Variants in PYROXD2 observed in about 807,000 individuals in gnomAD.
PYROXD2 encodes pyridine nucleotide-disulphide oxidoreductase domain 2.
Under a neutral mutation model 71.1 loss-of-function variants are expected in PYROXD2, and 69 were observed. The observed-to-expected ratio is 0.97, with a 90% confidence interval of 0.80 to 1.19. PYROXD2 has a LOEUF of 1.19. PYROXD2 is among the 50% of genes most tolerant of loss of function. PYROXD2 has a pLI of 0.00. For missense variants in PYROXD2, 745 were observed against 748.9 expected (o/e 0.99, Z 0.06); for synonymous variants, 287 against 302.7 (o/e 0.95, Z 0.54).
At chr10:98,394,683 C>T (rs567134637) in intron 8 of PYROXD2, among the ~76,000 whole-genome samples, 1 of 152,126 alleles carries the variant, frequency 6.6e-6, no homozygotes, top group African/African-American at 2.4e-5. Flanking sequence ...AGCACAAACC[C>T]TCACTCATAA....
chr10:98,401,115 T>C (rs1843384226), intron 4 of PYROXD2, among the ~76,000 whole-genome samples: 2 of 152,136 alleles, frequency 1.3e-5, no homozygotes, highest in Admixed American at 6.5e-5. Flanking sequence ...TAGCCGGGCA[T>C]GGTGGCACGC....
At position 98,407,737 on chromosome 10, in the gene PYROXD2, C is replaced by A; in HGVS notation, c.242-82G>T. 5 of 1,354,720 alleles carry A rather than the reference C, an allele frequency of 3.7e-6. 1 individual carries two copies. The allele number at this position is 1,354,720 out of a possible 1,614,324, so 83.9% of individuals were successfully genotyped here. A position where few individuals can be genotyped will look rare whatever the true frequency, so the allele number is the denominator to read the frequency against. ...ACCAGGGGTCAGCAGGGATGGAGAC[C>A]GTCACCAGGGGTCAGCAGGGATGGA... On this transcript the variant is annotated intron_variant, in intron 3 of 15. Transcript: ENST00000370575.
intron 4 of PYROXD2, among the ~76,000 whole-genome samples, 188 bp from the exon 5 acceptor site, chr10:98,400,445 C>G (rs146384847): frequency 9.9e-5 from 15 of 152,200 alleles, no homozygotes; most frequent in African/African-American, 3.6e-4. Context: ...CTATGGTAGA[C>G]GATACTGTAT....
chr10:98,396,053 C>T (rs7907555), intron 6 of PYROXD2, among the ~76,000 whole-genome samples: 53,939 of 152,090 alleles, frequency 0.35, 9,880 homozygotes, highest in South Asian at 0.44. Flanking sequence ...GACTGGTTAT[C>T]TGAGAGAGAG....
Position 98,396,030 on chromosome 10 carries a change from A to C in PYROXD2, c.626-578T>G, listed in dbSNP as rs182838487. Among the ~76,000 whole-genome samples the C allele has an allele frequency of 1.0e-3, 156 of 152,300 alleles. 3 individuals are homozygous for C. The highest frequency in any genetic ancestry group is 3.6e-3 in the African/African-American group (149 of 41,574). ...TAAATGTTTTTTGCCTGTTTTTCAC[A>C]CAGAGCTCCTTGGACTGGTTATCTG... On this transcript the variant is annotated intron_variant, in intron 6 of 15. Coordinates refer to ENST00000370575, the MANE Select transcript of PYROXD2 (RefSeq NM_032709.3).
intron 4 of PYROXD2, among the ~76,000 whole-genome samples, chr10:98,403,041 G>A (rs1843470683): frequency 6.6e-6 from 1 of 152,172 alleles, no homozygotes; most frequent in Non-Finnish European, 1.5e-5. Flanking sequence ...AACAATTACC[G>A]CTGGAGTTGC....
At chr10:98,413,091 A>G (rs761335701) in intron 1 of PYROXD2, among the ~76,000 whole-genome samples, 2 of 152,252 alleles carry the variant, frequency 1.3e-5, no homozygotes, top group South Asian at 4.1e-4. Flanking sequence ...CCTGGCAGTC[A>G]CTGGCCTCTA....
At chr10:98,395,991 T>C (rs1843159153) in intron 6 of PYROXD2, among the ~76,000 whole-genome samples, 1 of 152,204 alleles carries the variant, frequency 6.6e-6, no homozygotes, top group African/African-American at 2.4e-5. Context: ...GTCTGACACA[T>C]AGTAGTTGCT....
At chr10:98,396,568 A>G (rs1388062909) in intron 6 of PYROXD2, among the ~76,000 whole-genome samples, 1 of 152,190 alleles carries the variant, frequency 6.6e-6, no homozygotes, top group African/African-American at 2.4e-5. Context: ...TCGCATACTC[A>G]TGGCAGACAT....
chr10:98,390,253 G>A (rs1402042920), intron 12 of PYROXD2, among the ~76,000 whole-genome samples: 2 of 152,174 alleles, frequency 1.3e-5, no homozygotes, highest in African/African-American at 2.4e-5. Flanking sequence ...CAGGGGACTC[G>A]GTGAGTGCGT....
At chr10:98,388,217 G>A in intron 13 of PYROXD2, 137 bp downstream of exon 13, 1 of 824,590 alleles carries the variant, frequency 1.2e-6, no homozygotes, top group Non-Finnish European at 1.9e-6. Flanking sequence ...GTTGACTTGA[G>A]GTTCCCTTGA....
At position 98,410,921 on chromosome 10, in the gene PYROXD2, A is replaced by G. The variant is rs989439733; in HGVS notation, c.147+18T>C. The G allele has an allele frequency of 6.4e-7, 1 of 1,561,950 alleles. No homozygotes were observed. Among genetic ancestry groups the G allele is most frequent in the Admixed American group, 1.9e-5 (1 of 51,724 alleles). On this transcript the variant is annotated intron_variant, in intron 2 of 15. Coordinates refer to ENST00000370575, the MANE Select transcript of PYROXD2 (RefSeq NM_032709.3). Reference sequence around the variant, plus strand: ...CGCCCAGGGCCAGTGAAGTGGGATCAAGTGGGGAGGTACTCACAGCCACCA... The same window carrying G: ...CGCCCAGGGCCAGTGAAGTGGGATCGAGTGGGGAGGTACTCACAGCCACCA...
At chr10:98,384,285 G>A (rs550964406) in intron 15 of PYROXD2, among the ~76,000 whole-genome samples, 6 of 152,272 alleles carry the variant, frequency 3.9e-5, no homozygotes, top group Admixed American at 1.3e-4. Context: ...CTTGGAATGC[G>A]CACAAGAAAG....
chr10:98,390,827 C>G (rs1842923785), intron 11 of PYROXD2, 73 bp from the exon 12 acceptor site: 2 of 1,521,814 alleles, frequency 1.3e-6, no homozygotes, highest in African/African-American at 1.4e-5. Flanking sequence ...CCCTGCTACC[C>G]TCAGTGGCGG....
At chr10:98,387,868 G>C (rs560255073) in intron 13 of PYROXD2, 10 of 184,358 alleles carry the variant, frequency 5.4e-5, no homozygotes, top group Non-Finnish European at 1.1e-4. Flanking sequence ...TCCTGACCTC[G>C]GGTGATCCGC....
intron 8 of PYROXD2, among the ~76,000 whole-genome samples, chr10:98,394,192 C>A (rs181934599): frequency 6.6e-6 from 1 of 152,254 alleles, no homozygotes; most frequent in Admixed American, 6.5e-5. Context: ...AAGCGCTCAT[C>A]CATATTTGTT....
At chr10:98,411,363 T>G in intron 1 of PYROXD2, 1 of 220,204 alleles carries the variant, frequency 4.5e-6, no homozygotes. Context: ...CAACGTCCCG[T>G]CTCGCATGGC....
intron 5 of PYROXD2, among the ~76,000 whole-genome samples, chr10:98,399,797 G>GT (rs1843326111): frequency 6.6e-6 from 1 of 152,214 alleles, no homozygotes; most frequent in Admixed American, 6.5e-5. Context: ...ACACGCCAGT[G>GT]TAAGAACGTG....
intron 1 of PYROXD2, 81 bp downstream of exon 1, chr10:98,414,928 C>T (rs994692089): frequency 3.9e-6 from 6 of 1,531,520 alleles, no homozygotes; most frequent in Non-Finnish European, 5.3e-6. Flanking sequence ...GGCTTGGCTC[C>T]CCCTCCCCCT....
Sources: gnomAD v4.1 joint callset for allele counts (sites outside exome capture counted in the v4.1 genomes callset) on GRCh38, gnomAD v4.1.1 for gene constraint, MANE v1.5 for transcripts, NCBI Gene and HGNC (gene_info 2026-07-23, HGNC 2026-07-21) for gene names.